Variants in ABTB2 observed in about 807,000 individuals in gnomAD.
ABTB2 encodes ankyrin repeat and BTB/POZ domain-containing protein 2.
Under a neutral mutation model 104.1 loss-of-function variants are expected in ABTB2, and 56 were observed. The observed-to-expected ratio is 0.54, with a 90% CI of 0.43 to 0.67. The LOEUF is 0.67. Among genes scored for constraint, ABTB2 ranks in the 30% least tolerant of loss-of-function variants. The pLI, the probability that ABTB2 is intolerant of heterozygous loss-of-function variation, is 0.00. For synonymous variants in ABTB2, 606 were observed against 608.2 expected (o/e 1.00, Z 0.05); for missense variants, 1,279 against 1,407.7 (o/e 0.91, Z 1.46).
At chr11:34,170,147 C>T (rs1025598353) in intron 5 of ABTB2, among the ~76,000 whole-genome samples, 3 of 152,204 alleles carry the variant, frequency 2.0e-5, no homozygotes, top group African/African-American at 4.8e-5. Flanking sequence ...AGATTCTCCA[C>T]CCAGCTCTGC....
chr11:34,161,352 G>A (rs1019966761), intron 10 of ABTB2, among the ~76,000 whole-genome samples: 3 of 152,214 alleles, frequency 2.0e-5, no homozygotes, highest in Non-Finnish European at 2.9e-5. Context: ...GAATGGCTTC[G>A]GCCCAAATGC....
At chr11:34,289,599 G>A (rs1854543514) in intron 1 of ABTB2, among the ~76,000 whole-genome samples, 1 of 152,160 alleles carries the variant, frequency 6.6e-6, no homozygotes, top group Non-Finnish European at 1.5e-5. Context: ...GGAAACTAAT[G>A]GCATTTCTCA....
At position 34,291,583 on chromosome 11, in the gene ABTB2, C is replaced by T. The variant is rs575213861; in HGVS notation, c.883+65118G>A. On this transcript the variant is annotated intron_variant, in intron 1 of 16. Transcript: ENST00000435224. ...CAGTCTTGGCTCACTGCAACTTCTG[C>T]CTCCCGGGTTCAAGCAATTCTCCTG... Among the ~76,000 whole-genome samples the T allele has an allele frequency of 5.9e-5, 9 of 152,294 alleles. No homozygotes were observed. In the South Asian group the frequency reaches 1.7e-3, roughly 28 times the overall value.
chr11:34,276,006 C>A (rs539958048), intron 1 of ABTB2, among the ~76,000 whole-genome samples: 1 of 152,220 alleles, frequency 6.6e-6, no homozygotes, highest in South Asian at 2.1e-4. Context: ...TGAACAGAAA[C>A]CTTTTCACAT....
At chr11:34,321,309 T>C (rs1188535758) in intron 1 of ABTB2, among the ~76,000 whole-genome samples, 1 of 152,216 alleles carries the variant, frequency 6.6e-6, no homozygotes, top group African/African-American at 2.4e-5. Flanking sequence ...AGACAACTCA[T>C]GAGAGTGTGC....
intron 4 of ABTB2, 46 bp from the exon 5 acceptor site, chr11:34,171,117 C>A (rs757628323): frequency 6.3e-7 from 1 of 1,588,234 alleles, no homozygotes. Flanking sequence ...ATGCAGACAG[C>A]AACTTTCAAT....
intron 3 of ABTB2, among the ~76,000 whole-genome samples, chr11:34,182,004 C>T (rs1853034093): frequency 6.6e-6 from 1 of 152,260 alleles, no homozygotes; most frequent in African/African-American, 2.4e-5. Context: ...ATGCTCCTCC[C>T]TGTCTTGTCT....
chr11:34,236,517 AT>A (rs1590225865), intron 1 of ABTB2, among the ~76,000 whole-genome samples: 1 of 152,162 alleles, frequency 6.6e-6, no homozygotes, highest in African/African-American at 2.4e-5. Flanking sequence ...TAACAGCAGC[AT>A]TTTAAGCAGC....
rs1230952672 is a variant in ABTB2 at position 34,356,262 on chromosome 11, C to CT, written c.883+438dup. Among the ~76,000 whole-genome samples the CT allele has an allele frequency of 6.6e-6, 1 of 152,166 alleles. No homozygotes were observed. Among genetic ancestry groups the CT allele is most frequent in the Non-Finnish European group, 1.5e-5 (1 of 68,044 alleles). The stretch of plus-strand genomic sequence containing the variant: ...AGGTTCAGGTCTTTAAGTTGGGACC[C>CT]TTTGGTTGCTGCTATTGAGCTGGGG... On this transcript the variant is annotated intron_variant, in intron 1 of 16. Transcript: ENST00000435224. The surrounding 1 kb of genome is among the most constrained non-coding windows in gnomAD (Gnocchi z 4.6).
At chr11:34,217,451 T>C (rs1000490347) in intron 1 of ABTB2, among the ~76,000 whole-genome samples, 5 of 152,106 alleles carry the variant, frequency 3.3e-5, no homozygotes, top group African/African-American at 1.2e-4. Flanking sequence ...TTTGTGTAGA[T>C]ATAAGTTTTT....
At chr11:34,314,963 G>A (rs1854907506) in intron 1 of ABTB2, among the ~76,000 whole-genome samples, 1 of 152,276 alleles carries the variant, frequency 6.6e-6, no homozygotes. Context: ...TGGTTTCCAT[G>A]TTGCCAAGCT....
At position 34,154,901 on chromosome 11, in the gene ABTB2, T is replaced by A. The variant is rs1180033502; in HGVS notation, c.2698-132A>T. ...CTCTGCAGGTCCCCAGCTCTGTCTC[T>A]CCCTCCCTCTCCTGCTCAGGCTGAG... On this transcript the variant is annotated intron_variant, in intron 14 of 16. Coordinates refer to ENST00000435224, the MANE Select transcript of ABTB2 (RefSeq NM_145804.3). This position sits in a 1 kb window ranked among gnomAD's most constrained non-coding sequence, Gnocchi z 4.9. 2 of 772,866 alleles carry A rather than the reference T, an allele frequency of 2.6e-6. No individual in the cohort carries two copies. Among genetic ancestry groups the A allele is most frequent in the South Asian group, 1.8e-5 (1 of 56,488 alleles). The allele number at this position is 772,866 out of a possible 1,614,324, so 47.9% of individuals were successfully genotyped here.
chr11:34,326,128 T>C (rs1202097998), intron 1 of ABTB2, among the ~76,000 whole-genome samples: 1 of 152,098 alleles, frequency 6.6e-6, no homozygotes, highest in Non-Finnish European at 1.5e-5. Context: ...GCTAGCAGTC[T>C]CCTACAATGT....
chr11:34,205,891 A>G (rs983290616), intron 1 of ABTB2, among the ~76,000 whole-genome samples: 7 of 152,198 alleles, frequency 4.6e-5, no homozygotes, highest in Non-Finnish European at 8.8e-5. Context: ...TTAACTAGAG[A>G]TAACTAGAGT....
chr11:34,353,911 G>C (rs1341320424), intron 1 of ABTB2, among the ~76,000 whole-genome samples: 1 of 152,184 alleles, frequency 6.6e-6, no homozygotes, highest in Admixed American at 6.5e-5. Context: ...CCGTTACCTT[G>C]CTGGCCTTGG....
intron 1 of ABTB2, among the ~76,000 whole-genome samples, chr11:34,258,946 G>T (rs1212365415): frequency 6.6e-6 from 1 of 150,790 alleles, no homozygotes; most frequent in Non-Finnish European, 1.5e-5. Context: ...TATGCGTGTG[G>T]TAGTGGTGGG....
chr11:34,200,178 AC>A (rs1333429546), intron 2 of ABTB2, among the ~76,000 whole-genome samples: 3 of 152,240 alleles, frequency 2.0e-5, no homozygotes, highest in Non-Finnish European at 4.4e-5. Flanking sequence ...CCACAGGACC[AC>A]AAGGAGGAGA....
In ABTB2 at chr11:34,237,879, C is replaced by G. The variant is rs376227731; in HGVS notation, c.884-33189G>C. On this transcript the variant is annotated intron_variant, in intron 1 of 16. Coordinates refer to ENST00000435224, the MANE Select transcript of ABTB2 (RefSeq NM_145804.3). ...CACCATTGCACTCCAGCCTGGGCAA[C>G]AAGAGTGAAACTCCACTCAAAAACA... Among the ~76,000 whole-genome samples, 5 of 152,228 alleles carry G rather than the reference C, an allele frequency of 3.3e-5. No homozygotes were observed. The East Asian group carries it at 7.7e-4, about 24-fold the overall frequency.
rs1852687034 is a variant in ABTB2 at position 34,160,050 on chromosome 11, C to T, written c.2504-42G>A. The stretch of plus-strand genomic sequence containing the variant: ...GACAGAGGGATATGGCTGAGGAGTC[C>T]CCTGCTGGGGTTTGCTTGAGTGTGC... On this transcript the variant is annotated intron_variant, in intron 12 of 16. Coordinates refer to ENST00000435224, the MANE Select transcript of ABTB2 (RefSeq NM_145804.3). The T allele has an allele frequency of 1.9e-6, 3 of 1,545,026 alleles. No individual in the cohort carries two copies. In the South Asian group the frequency reaches 3.4e-5, roughly 17 times the overall value.
Sources: gnomAD v4.1 joint callset for allele counts (sites outside exome capture counted in the v4.1 genomes callset) on GRCh38, gnomAD v4.1.1 for gene constraint, Gnocchi (gnomAD v3.1) non-coding constraint, MANE v1.5 for transcripts, NCBI Gene and HGNC (gene_info 2026-07-23, HGNC 2026-07-21) for gene names.